Variants in UBE2D3 observed in about 807,000 individuals in gnomAD.
UBE2D3 encodes ubiquitin conjugating enzyme E2 D3, also known as ubiquitin-conjugating enzyme E2 D3.
A neutral mutation model predicts 22.8 loss-of-function variants in UBE2D3; 2 were observed. The ratio of observed to expected loss-of-function variants is 0.09; its 90% CI spans 0.04 to 0.28. The LOEUF is 0.28. UBE2D3 is among the 10% of genes least tolerant of loss of function. UBE2D3 has a pLI of 1.00. For synonymous variants in UBE2D3, 56 were observed against 60.4 expected, an observed-to-expected ratio of 0.93 and a Z score of 0.34; for missense variants, 27 against 182.5, an observed-to-expected ratio of 0.15 and a Z score of 4.91.
upstream of UBE2D3, among the ~76,000 whole-genome samples, chr4:102,828,729 TC>T (rs1730931962): frequency 1.3e-5 from 2 of 152,188 alleles, no homozygotes; most frequent in Non-Finnish European, 2.9e-5. Context: ...ATACAATACT[TC>T]CTGAAATATC....
chr4:102,821,078 A>G (rs1345843439), intron 2 of UBE2D3, among the ~76,000 whole-genome samples: 1 of 152,314 alleles, frequency 6.6e-6, no homozygotes, highest in Non-Finnish European at 1.5e-5. Context: ...ATCTTATCTA[A>G]TAAGAGAAAC....
At chr4:102,866,064 T>C (rs892103094) in intron 1 of UBE2D3, among the ~76,000 whole-genome samples, 10 of 152,164 alleles carry the variant, frequency 6.6e-5, no homozygotes, top group Non-Finnish European at 8.8e-5. Flanking sequence ...GAAATACAAA[T>C]ATAAATGAAA....
chr4:102,839,932 G>A (rs1031975886), intron 1 of UBE2D3, among the ~76,000 whole-genome samples: 2 of 152,124 alleles, frequency 1.3e-5, no homozygotes, highest in Non-Finnish European at 1.5e-5. Context: ...GAACTTAAAA[G>A]TAAAACAAAA....
At position 102,827,522 on chromosome 4, in the gene UBE2D3, C is replaced by T. The variant is rs1301293641; in HGVS notation, c.-224G>A. 10 of 986,034 alleles carry T rather than the reference C, an allele frequency of 1.0e-5. No individual in the cohort carries two copies. The highest frequency in any genetic ancestry group is 1.2e-5 in the Non-Finnish European group (10 of 830,122). 61.1% of individuals were successfully genotyped at this position (986,034 alleles called of 1,614,324 possible). On this transcript the variant is annotated 5_prime_UTR_variant, in exon 1 of 8. The change creates a new upstream start codon in the 5' untranslated region. Transcript: ENST00000453744. ...CCCTACGGGGCTCACGCGCACGACA[C>T]AGCCACAAGATGTCCGCTCTGACGG...
At chr4:102,867,865 C>T (rs977034211) in intron 1 of UBE2D3, among the ~76,000 whole-genome samples, 1 of 152,084 alleles carries the variant, frequency 6.6e-6, no homozygotes, top group Non-Finnish European at 1.5e-5. Context: ...TTGAATGCCA[C>T]TCAATGCAAA....
Position 102,796,954 on chromosome 4 carries a change from C to G in UBE2D3, c.*461G>C, listed in dbSNP as rs942172866. On this transcript the variant is annotated 3_prime_UTR_variant, in exon 8 of 8. Transcript: ENST00000453744. ...ATGAGCATAAAGCATATCATGTAAC[C>G]TCAAATCTCTAACAGTGGAAGGCTT... The G allele has an allele frequency of 6.5e-6, 1 of 154,274 alleles. No homozygotes were observed. Among genetic ancestry groups the G allele is most frequent in the African/African-American group, 2.4e-5 (1 of 41,470 alleles). The allele number at this position is 154,274 out of a possible 1,614,324, so 9.6% of individuals were successfully genotyped here.
chr4:102,805,241 G>A (rs1377888796), intron 4 of UBE2D3, among the ~76,000 whole-genome samples: 3 of 152,106 alleles, frequency 2.0e-5, no homozygotes, highest in Non-Finnish European at 4.4e-5. Flanking sequence ...CAGAGATAAT[G>A]AAACTAGGCA....
chr4:102,802,702 T>C, intron 4 of UBE2D3, 64 bp from the exon 5 acceptor site: 1 of 1,328,192 alleles, frequency 7.5e-7, no homozygotes, highest in Non-Finnish European at 1.0e-6. Context: ...TCCGTAACAT[T>C]TGTTTCCAAG....
Position 102,861,095 on chromosome 4 carries a change from G to A in UBE2D3, c.-129+7620C>T, listed in dbSNP as rs991461062. 3.9e-5 allele frequency among the ~76,000 whole-genome samples: 6 copies of A among 151,964 alleles called. No homozygotes were observed. The South Asian group carries it at 6.2e-4, about 16-fold the overall frequency. The stretch of plus-strand genomic sequence containing the variant: ...AAGTGAGCCTTTTGGGCGGCAACAC[G>A]CAAGGCTAGGGAAGCTGGGCACTCA... On this transcript the variant is annotated intron_variant, in intron 1 of 7. Coordinates refer to the UBE2D3 transcript ENST00000338145.
chr4:102,862,135 C>T (rs1732928037), intron 1 of UBE2D3, among the ~76,000 whole-genome samples: 1 of 151,824 alleles, frequency 6.6e-6, no homozygotes, highest in Admixed American at 6.6e-5. Flanking sequence ...TTTATAGATC[C>T]CAGTTTTGTT....
At chr4:102,801,158 A>G (rs1176046970) in intron 6 of UBE2D3, among the ~76,000 whole-genome samples, 1 of 151,990 alleles carries the variant, frequency 6.6e-6, no homozygotes, top group Admixed American at 6.6e-5. Flanking sequence ...GAGATGTCCA[A>G]GTGGTTTGGG....
chr4:102,831,565 A>T (rs1560879959), upstream of UBE2D3, among the ~76,000 whole-genome samples: 1 of 152,204 alleles, frequency 6.6e-6, no homozygotes, highest in Non-Finnish European at 1.5e-5. Context: ...ATGGAATATT[A>T]TTATTATTAT....
chr4:102,802,738 C>T (rs973982617), intron 4 of UBE2D3, 100 bp from the exon 5 acceptor site: 2 of 758,772 alleles, frequency 2.6e-6, no homozygotes, highest in Non-Finnish European at 4.1e-6. Context: ...GAACCCAAAT[C>T]ACCTATTTAC....
At chr4:102,832,705 T>C (rs1032611016) in intron 1 of UBE2D3, among the ~76,000 whole-genome samples, 2 of 152,212 alleles carry the variant, frequency 1.3e-5, no homozygotes, top group Non-Finnish European at 2.9e-5. Context: ...GTTACCTTTA[T>C]TAGAATGTTA....
In UBE2D3 at chr4:102,863,231, AG is replaced by A. The variant is rs1429109171; in HGVS notation, c.-129+5483del. 5.9e-5 allele frequency among the ~76,000 whole-genome samples: 9 copies of A among 151,914 alleles called. No individual in the cohort carries two copies. In the East Asian group the frequency reaches 1.7e-3, roughly 29 times the overall value. Reference sequence around the variant, plus strand: ...ACACCCAGCTAATTTTTGTATTTTTAGTAGAGATGGGGTTTCACTATGTTGG... The same window carrying A: ...ACACCCAGCTAATTTTTGTATTTTTATAGAGATGGGGTTTCACTATGTTGG... On this transcript the variant is annotated intron_variant, in intron 1 of 7. Coordinates refer to the UBE2D3 transcript ENST00000338145.
At chr4:102,808,948 C>T (rs1383585769) in intron 4 of UBE2D3, 1 of 155,794 alleles carries the variant, frequency 6.4e-6, no homozygotes, top group African/African-American at 2.4e-5. Context: ...TATAAAACCA[C>T]CAAAAAGGGA....
chr4:102,853,135 A>T (rs1159236092), intron 1 of UBE2D3, among the ~76,000 whole-genome samples: 14 of 88,596 alleles, frequency 1.6e-4, no homozygotes, highest in East Asian at 6.8e-4. Flanking sequence ...AAACACACAC[A>T]TTTTTTTTTT....
chr4:102,849,280 C>T (rs977706869), intron 1 of UBE2D3, among the ~76,000 whole-genome samples: 3 of 148,636 alleles, frequency 2.0e-5, no homozygotes, highest in Non-Finnish European at 4.5e-5. Context: ...AGGAGGATCG[C>T]CTGAGCCCAG....
intron 2 of UBE2D3, chr4:102,825,307 C>T: frequency 2.0e-6 from 2 of 987,504 alleles, no homozygotes; most frequent in South Asian, 9.0e-5. Context: ...TAGCTGTAAA[C>T]ACTCCACCCT....
Sources: allele counts gnomAD v4.1 joint callset (sites outside exome capture counted in the v4.1 genomes callset), GRCh38; gene constraint gnomAD v4.1.1; transcripts MANE v1.5; gene names NCBI Gene and HGNC (gene_info 2026-07-23, HGNC 2026-07-21).